The following ADGRL2 variants were observed in gnomAD, a reference collection of about 807,000 sequenced individuals.
ADGRL2 encodes adhesion G protein-coupled receptor L2.
Under a neutral mutation model 157.4 loss-of-function variants are expected in ADGRL2, and 44 were observed. The observed-to-expected ratio is 0.28, with a 90% CI of 0.22 to 0.36. ADGRL2 has a LOEUF of 0.36. Ranked by LOEUF, ADGRL2 falls within the 10% of genes least tolerant of loss-of-function variation. The pLI, the probability that ADGRL2 is intolerant of heterozygous loss-of-function variation, is 1.00. For synonymous variants in ADGRL2, 585 were observed against 624.7 expected (o/e 0.94, Z 0.95); for missense variants, 1,510 against 1,768.9 (o/e 0.85, Z 2.63).
intron 3 of ADGRL2, among the ~76,000 whole-genome samples, chr1:81,658,796 G>A (rs949092393): frequency 5.9e-5 from 9 of 151,894 alleles, no homozygotes; most frequent in African/African-American, 2.2e-4. Context: ...TTGTTGCCCA[G>A]GCTGGAGTGC....
intron 1 of ADGRL2, among the ~76,000 whole-genome samples, chr1:81,829,916 A>C (rs2150066558): frequency 6.6e-6 from 1 of 152,270 alleles, no homozygotes; most frequent in Middle Eastern, 3.4e-3. Context: ...ACGATTCTAT[A>C]GTGTGCACTT....
At chr1:81,535,783 C>A (rs1211491069) in intron 2 of ADGRL2, among the ~76,000 whole-genome samples, 1 of 151,888 alleles carries the variant, frequency 6.6e-6, no homozygotes, top group East Asian at 1.9e-4. Context: ...GTAGTATGCC[C>A]GATGGTGCAA....
At chr1:81,359,504 G>T (rs1211929285) in intron 1 of ADGRL2, among the ~76,000 whole-genome samples, 1 of 151,886 alleles carries the variant, frequency 6.6e-6, no homozygotes, top group Non-Finnish European at 1.5e-5. Flanking sequence ...ATGCCAACTT[G>T]GTACTTACTT....
intron 11 of ADGRL2, among the ~76,000 whole-genome samples, chr1:81,963,169 C>CTT (rs11380626): frequency 2.9e-5 from 4 of 137,816 alleles, no homozygotes; most frequent in East Asian, 2.0e-4. Flanking sequence ...ACTTATACTT[C>CTT]TTTTTTTTAT....
intron 2 of ADGRL2, among the ~76,000 whole-genome samples, chr1:81,575,917 T>C (rs2080789657): frequency 6.6e-6 from 1 of 152,154 alleles, no homozygotes; most frequent in South Asian, 2.1e-4. Context: ...TAAAACCCCA[T>C]GTACCCACTA....
At chr1:81,910,244 C>CAACAATAATAATAAT (rs1553187026) in intron 3 of ADGRL2, among the ~76,000 whole-genome samples, 2 of 143,056 alleles carry the variant, frequency 1.4e-5, no homozygotes, top group Admixed American at 7.1e-5. Context: ...GCCTAAAAAA[C>CAACAATAATAATAAT]AATAATAATA....
At chr1:81,333,120 T>A (rs923018553) in intron 1 of ADGRL2, among the ~76,000 whole-genome samples, 1 of 152,112 alleles carries the variant, frequency 6.6e-6, no homozygotes, top group Non-Finnish European at 1.5e-5. Context: ...TTGGAATAAA[T>A]CATTTAAAAG....
intron 3 of ADGRL2, among the ~76,000 whole-genome samples, chr1:81,916,745 G>A (rs1002474016): frequency 6.6e-6 from 1 of 151,772 alleles, no homozygotes. Context: ...ATAAATAATA[G>A]CAAACATAAT....
chr1:81,780,778 A>G (rs924444112), intron 2 of ADGRL2, among the ~76,000 whole-genome samples: 1 of 152,142 alleles, frequency 6.6e-6, no homozygotes, highest in Non-Finnish European at 1.5e-5. Flanking sequence ...TTCTCATTTA[A>G]GTGATATGCA....
intron 1 of ADGRL2, among the ~76,000 whole-genome samples, chr1:81,750,110 T>C (rs1323735455): frequency 6.6e-6 from 1 of 152,238 alleles, no homozygotes; most frequent in Admixed American, 6.5e-5. Flanking sequence ...AGAATCTACA[T>C]AGCAGACAAG....
At chr1:81,570,410 G>C (rs1244805561) in intron 2 of ADGRL2, among the ~76,000 whole-genome samples, 1 of 152,058 alleles carries the variant, frequency 6.6e-6, no homozygotes, top group Non-Finnish European at 1.5e-5. Flanking sequence ...TTTTGACATG[G>C]AGTCTCACTC....
chr1:81,665,837 T>G (rs1570775397), intron 3 of ADGRL2, among the ~76,000 whole-genome samples: 1 of 152,202 alleles, frequency 6.6e-6, no homozygotes, highest in South Asian at 2.1e-4. Context: ...CAGTCTCAAT[T>G]ATCAGAGTAT....
intron 1 of ADGRL2, among the ~76,000 whole-genome samples, chr1:81,327,807 G>A (rs1660999971): frequency 6.6e-6 from 1 of 152,128 alleles, no homozygotes. Flanking sequence ...CTTTGGAAGA[G>A]TTGTGAATCA....
intron 2 of ADGRL2, among the ~76,000 whole-genome samples, chr1:81,546,334 G>A (rs1279135312): frequency 6.6e-6 from 1 of 151,752 alleles, no homozygotes; most frequent in African/African-American, 2.4e-5. Context: ...TTTCTTTTTT[G>A]AATACTCATT....
intron 3 of ADGRL2, among the ~76,000 whole-genome samples, chr1:81,637,199 T>G (rs758048132): frequency 6.6e-6 from 1 of 152,156 alleles, no homozygotes. Flanking sequence ...AGGATGGTAT[T>G]CCAACCCTAA....
At chr1:81,966,018 T>C (rs766840288) in intron 11 of ADGRL2, 40 bp from the exon 12 acceptor site, 38 of 1,605,658 alleles carry the variant, frequency 2.4e-5, no homozygotes, top group Non-Finnish European at 3.2e-5. Flanking sequence ...TCTTAAAGAA[T>C]CCTTTTTTCC....
At position 81,898,530 on chromosome 1, in the gene ADGRL2, C is replaced by A. The variant is rs192702581; in HGVS notation, c.74-8487C>A. On this transcript the variant is annotated intron_variant, in intron 2 of 23. Coordinates refer to ENST00000686636, the MANE Select transcript of ADGRL2 (RefSeq NM_001366006.2). Reference sequence around the variant, plus strand: ...TAGGGTTTGATTGATAAAGGCATTTCTAAAGTGGATCTAATTAAGTAATTA... The same window carrying A: ...TAGGGTTTGATTGATAAAGGCATTTATAAAGTGGATCTAATTAAGTAATTA... 7.8e-4 allele frequency among the ~76,000 whole-genome samples: 118 copies of A among 152,254 alleles called. 2 individuals carry two copies. The highest frequency in any genetic ancestry group is 7.5e-3 in the Admixed American group (115 of 15,286).
intron 2 of ADGRL2, among the ~76,000 whole-genome samples, chr1:81,893,014 C>A (rs284211): frequency 0.78 from 118,377 of 152,048 alleles, 46,324 homozygotes; most frequent in East Asian, 0.94. Context: ...GAAACTTCTT[C>A]AAGTTTTGCC....
intron 1 of ADGRL2, among the ~76,000 whole-genome samples, chr1:81,308,194 G>A (rs902806450): frequency 4.6e-5 from 7 of 152,100 alleles, no homozygotes; most frequent in African/African-American, 7.2e-5. Context: ...TTGAAATGCC[G>A]AGTTGTAAAG....
Sources: gnomAD v4.1 joint callset for allele counts (sites outside exome capture counted in the v4.1 genomes callset) on GRCh38, gnomAD v4.1.1 for gene constraint, MANE v1.5 for transcripts, NCBI Gene and HGNC (gene_info 2026-07-23, HGNC 2026-07-21) for gene names.